The following LRRTM4 variants were observed in gnomAD, a reference collection of about 807,000 sequenced individuals.
LRRTM4 encodes leucine rich repeat transmembrane neuronal 4.
A neutral mutation model predicts 47.6 loss-of-function variants in LRRTM4; 25 were observed. The observed-to-expected ratio is 0.53, with a 90% CI of 0.38 to 0.73. LRRTM4 has a LOEUF of 0.73. Ranked by LOEUF, LRRTM4 falls within the 30% of genes least tolerant of loss-of-function variation. LRRTM4 has a pLI of 0.00. For missense variants in LRRTM4, 638 were observed against 713.4 expected (o/e 0.89, Z 1.20); for synonymous variants, 311 against 269.5 (o/e 1.15, Z -1.51).
intron 3 of LRRTM4, among the ~76,000 whole-genome samples, chr2:76,916,647 C>T (rs1674262293): frequency 6.6e-6 from 1 of 152,070 alleles, no homozygotes; most frequent in African/African-American, 2.4e-5. Context: ...CAAATTCAAG[C>T]CTCAAACAAA....
chr2:77,426,115 CAAA>C (rs149112731), intron 3 of LRRTM4, among the ~76,000 whole-genome samples: 13 of 119,446 alleles, frequency 1.1e-4, no homozygotes, highest in Admixed American at 1.8e-4. Flanking sequence ...GAGACACCGT[CAAA>C]AAAAAAAAAA....
chr2:77,105,520 G>GA (rs1401709662), intron 3 of LRRTM4, among the ~76,000 whole-genome samples: 1 of 109,798 alleles, frequency 9.1e-6, no homozygotes. Context: ...GGGGTGGGGG[G>GA]AGGGGGGAGG....
At chr2:76,802,865 C>G (rs1675773545) in intron 3 of LRRTM4, among the ~76,000 whole-genome samples, 1 of 152,038 alleles carries the variant, frequency 6.6e-6, no homozygotes, top group South Asian at 2.1e-4. Flanking sequence ...ACACGCTCAT[C>G]AATAAATAGT....
At chr2:76,839,339 C>T (rs1161433448) in intron 3 of LRRTM4, among the ~76,000 whole-genome samples, 5 of 152,042 alleles carry the variant, frequency 3.3e-5, no homozygotes, top group Non-Finnish European at 4.4e-5. Flanking sequence ...GGGCAAAACT[C>T]ACAGTAGAAA....
intron 3 of LRRTM4, among the ~76,000 whole-genome samples, chr2:77,017,177 A>G (rs1201186082): frequency 6.6e-6 from 1 of 152,214 alleles, no homozygotes; most frequent in Non-Finnish European, 1.5e-5. Context: ...TCACGGCCAC[A>G]GAGATAAAGT....
At chr2:76,823,117 T>C (rs144021581) in intron 3 of LRRTM4, among the ~76,000 whole-genome samples, 1 of 151,384 alleles carries the variant, frequency 6.6e-6, no homozygotes, top group Non-Finnish European at 1.5e-5. Flanking sequence ...TCATTTTACA[T>C]TGAACAGAAA....
At chr2:77,196,762 A>T (rs1298680134) in intron 3 of LRRTM4, among the ~76,000 whole-genome samples, 5 of 152,150 alleles carry the variant, frequency 3.3e-5, no homozygotes, top group African/African-American at 7.2e-5. Flanking sequence ...TAAATAAAAT[A>T]AAAAACTTTA....
intron 3 of LRRTM4, among the ~76,000 whole-genome samples, chr2:77,170,919 T>C (rs1386854947): frequency 6.7e-6 from 1 of 150,098 alleles, no homozygotes. Context: ...GTATGTTATG[T>C]ACATACATAA....
intron 3 of LRRTM4, among the ~76,000 whole-genome samples, chr2:76,959,822 A>G (rs1250266168): frequency 6.6e-6 from 1 of 151,628 alleles, no homozygotes; most frequent in Non-Finnish European, 1.5e-5. Context: ...CTATTGTGTC[A>G]TTTACATTAT....
chr2:76,796,253 A>G lies in LRRTM4; in HGVS notation c.1552-47337T>C, dbSNP rs549996363. 7.4e-4 allele frequency among the ~76,000 whole-genome samples: 55 copies of G among 74,460 alleles called. 3 individuals carry two copies. Among genetic ancestry groups the G allele is most frequent in the Admixed American group, 4.5e-3 (31 of 6,912 alleles). The allele number at this position is 74,460 out of a possible 152,430, so 48.8% of individuals were successfully genotyped here. On this transcript the variant is annotated intron_variant, in intron 3 of 3. Transcript: ENST00000409884. ...CCAGGCTGGGGGAGGGGTGCCCGCCATTGAACAGGCTTGATTAGGTAAACA... is the reference window on the plus strand; with the variant it reads ...CCAGGCTGGGGGAGGGGTGCCCGCCGTTGAACAGGCTTGATTAGGTAAACA...
At chr2:76,809,766 T>G (rs4387822) in intron 3 of LRRTM4, among the ~76,000 whole-genome samples, 27 of 151,900 alleles carry the variant, frequency 1.8e-4, no homozygotes, top group African/African-American at 4.6e-4. Flanking sequence ...ATGTATTTCT[T>G]TTCTCTGCTT....
intron 3 of LRRTM4, among the ~76,000 whole-genome samples, chr2:77,014,114 T>G (rs867315948): frequency 6.6e-6 from 1 of 152,050 alleles, no homozygotes; most frequent in African/African-American, 2.4e-5. Context: ...ACATGCACAG[T>G]TTTTTGTTTG....
At chr2:77,350,332 CAAAAAAAAAAAAAAAAAAAAA>C (rs61365229) in intron 3 of LRRTM4, among the ~76,000 whole-genome samples, 2 of 39,182 alleles carry the variant, frequency 5.1e-5, no homozygotes, top group South Asian at 3.5e-3. Flanking sequence ...GACTCCGTCT[CAAAAAAAAAAAAAAAAAAAAA>C]AAAAAAAAAA....
At chr2:77,132,551 G>C (rs867194288) in intron 3 of LRRTM4, among the ~76,000 whole-genome samples, 1 of 152,120 alleles carries the variant, frequency 6.6e-6, no homozygotes, top group African/African-American at 2.4e-5. Context: ...AAGCTAGCAG[G>C]TTCAGTGTTT....
chr2:76,928,855 A>G (rs926215080), intron 3 of LRRTM4, among the ~76,000 whole-genome samples: 1 of 152,202 alleles, frequency 6.6e-6, no homozygotes, highest in Admixed American at 6.5e-5. Context: ...AATGTGATGT[A>G]GTCAACTTTA....
At chr2:76,793,874 G>T (rs1003288767) in intron 3 of LRRTM4, among the ~76,000 whole-genome samples, 27 of 152,262 alleles carry the variant, frequency 1.8e-4, no homozygotes, top group African/African-American at 5.5e-4. Context: ...AATACAATTC[G>T]TATGATCTAG....
intron 3 of LRRTM4, among the ~76,000 whole-genome samples, chr2:77,035,415 G>C (rs998147263): frequency 6.6e-6 from 1 of 151,722 alleles, no homozygotes; most frequent in Non-Finnish European, 1.5e-5. Context: ...CCATCACTAC[G>C]AAGGTCCGTC....
At chr2:77,055,483 C>T (rs1023623315) in intron 3 of LRRTM4, among the ~76,000 whole-genome samples, 1 of 152,148 alleles carries the variant, frequency 6.6e-6, no homozygotes, top group Non-Finnish European at 1.5e-5. Flanking sequence ...ATCAAAACCA[C>T]CATGAGATAC....
At chr2:77,232,155 T>A (rs1000375496) in intron 3 of LRRTM4, among the ~76,000 whole-genome samples, 2 of 152,198 alleles carry the variant, frequency 1.3e-5, no homozygotes, top group African/African-American at 4.8e-5. Context: ...GAAAAAATAC[T>A]GAAACCCAGA....
Sources: gnomAD v4.1 joint callset for allele counts (sites outside exome capture counted in the v4.1 genomes callset) on GRCh38, gnomAD v4.1.1 for gene constraint, MANE v1.5 for transcripts, NCBI Gene and HGNC (gene_info 2026-07-23, HGNC 2026-07-21) for gene names.